BMAL1: variants seen among roughly 807,000 people sequenced by gnomAD.
The protein encoded by BMAL1 is basic helix-loop-helix ARNT like 1, also known as basic helix-loop-helix ARNT-like protein 1.
At chr11:13,334,130 G>A in the BMAL1 span, among the ~76,000 whole-genome samples, 1 of 152,044 alleles carries the variant, frequency 6.6e-6, no homozygotes, top group Non-Finnish European at 1.5e-5. Flanking sequence ...TACCAATGAG[G>A]CAACTAAGGA....
chr11:13,288,600 A>G, the BMAL1 span, among the ~76,000 whole-genome samples: 7 of 151,566 alleles, frequency 4.6e-5, no homozygotes, highest in East Asian at 1.9e-4. Context: ...ATGGATAACC[A>G]CTGGATTTGT....
chr11:13,302,381 C>T, the BMAL1 span, among the ~76,000 whole-genome samples: 1 of 152,156 alleles, frequency 6.6e-6, no homozygotes, highest in African/African-American at 2.4e-5. Context: ...CTGTCCCTGT[C>T]CTCTTATCTG....
At chr11:13,372,290 A>T in the BMAL1 span, 1 of 1,614,174 alleles carries the variant, frequency 6.2e-7, no homozygotes, top group Non-Finnish European at 8.5e-7. Context: ...GCCTCGTCGC[A>T]ATTGGACGAC....
chr11:13,376,799 A>ATACTTTAGGGG, the BMAL1 span: 2 of 1,418,030 alleles, frequency 1.4e-6, no homozygotes, highest in Non-Finnish European at 1.9e-6. Flanking sequence ...TCCTCCCCTA[A>ATACTTTAGGGG]AGTATTCAGG....
At chr11:13,315,494 C>T in the BMAL1 span, among the ~76,000 whole-genome samples, 2 of 152,304 alleles carry the variant, frequency 1.3e-5, no homozygotes, top group South Asian at 4.1e-4. Flanking sequence ...AGGTAAGTGT[C>T]ATCATTGTCC....
chr11:13,313,356 C>T, the BMAL1 span, among the ~76,000 whole-genome samples: 1 of 152,190 alleles, frequency 6.6e-6, no homozygotes, highest in African/African-American at 2.4e-5. Context: ...CCACCACTCA[C>T]CTCTGTCTTG....
the BMAL1 span, among the ~76,000 whole-genome samples, chr11:13,310,697 G>T: frequency 6.6e-6 from 1 of 152,222 alleles, no homozygotes; most frequent in Admixed American, 6.5e-5. Flanking sequence ...TACAGAAGCA[G>T]GTGGTGGGCT....
chr11:13,353,835 A>C, the BMAL1 span, among the ~76,000 whole-genome samples: 1 of 152,202 alleles, frequency 6.6e-6, no homozygotes, highest in Non-Finnish European at 1.5e-5. Flanking sequence ...CAAAACAAAT[A>C]AAAAATAAAA....
At chr11:13,352,464 G>A in the BMAL1 span, among the ~76,000 whole-genome samples, 1 of 152,194 alleles carries the variant, frequency 6.6e-6, no homozygotes, top group Non-Finnish European at 1.5e-5. Context: ...ATCAGTAATA[G>A]CTGAAGAATA....
At chr11:13,371,488 A>G in the BMAL1 span, among the ~76,000 whole-genome samples, 2 of 152,242 alleles carry the variant, frequency 1.3e-5, no homozygotes, top group East Asian at 3.9e-4. Flanking sequence ...CTCTTGCTGT[A>G]TTATAGCCAC....
the BMAL1 span, chr11:13,379,425 T>G: frequency 6.6e-6 from 1 of 152,190 alleles, no homozygotes; most frequent in African/African-American, 2.4e-5. Context: ...GTAACACAGC[T>G]CTTTTCCAAC....
chr11:13,379,941 T>A, the BMAL1 span: 1 of 152,226 alleles, frequency 6.6e-6, no homozygotes, highest in Non-Finnish European at 1.5e-5. Flanking sequence ...AGTCTTGTGT[T>A]ACGCTTTGTG....
the BMAL1 span, among the ~76,000 whole-genome samples, chr11:13,304,897 A>G: frequency 2.6e-5 from 4 of 152,240 alleles, no homozygotes; most frequent in Non-Finnish European, 5.9e-5. Flanking sequence ...GTGTGTTGAC[A>G]TCAGACCTCT....
At chr11:13,319,912 G>A in the BMAL1 span, among the ~76,000 whole-genome samples, 1 of 152,220 alleles carries the variant, frequency 6.6e-6, no homozygotes, top group Non-Finnish European at 1.5e-5. Context: ...AGTGACTGCT[G>A]TGAGGCTGAG....
chr11:13,383,168 GTTGT>G, the BMAL1 span, among the ~76,000 whole-genome samples: 2 of 152,188 alleles, frequency 1.3e-5, no homozygotes, highest in African/African-American at 2.4e-5. Flanking sequence ...TTAGCCTGCA[GTTGT>G]TTGTCAGGAT....
chr11:13,365,799 G>T, the BMAL1 span, among the ~76,000 whole-genome samples: 1 of 152,188 alleles, frequency 6.6e-6, no homozygotes, highest in Non-Finnish European at 1.5e-5. Context: ...ACTCTGATCT[G>T]ATCGATAGCA....
At chr11:13,322,630 C>T in the BMAL1 span, among the ~76,000 whole-genome samples, 1 of 152,044 alleles carries the variant, frequency 6.6e-6, no homozygotes, top group African/African-American at 2.4e-5. Context: ...CCTCAAGAAG[C>T]TTACAGGGAG....
At chr11:13,384,891 C>T in the BMAL1 span, among the ~76,000 whole-genome samples, 2 of 152,146 alleles carry the variant, frequency 1.3e-5, no homozygotes, top group African/African-American at 2.4e-5. Flanking sequence ...ATACAGCCTA[C>T]ATAAGCAAAA....
chr11:13,305,584 G>A, the BMAL1 span, among the ~76,000 whole-genome samples: 1 of 152,096 alleles, frequency 6.6e-6, no homozygotes, highest in African/African-American at 2.4e-5. Flanking sequence ...CAATCTGTAT[G>A]TTTTTTATTT....
Sources: gnomAD v4.1 joint callset for allele counts (sites outside exome capture counted in the v4.1 genomes callset) on GRCh38, gnomAD v4.1.1 for gene constraint, MANE v1.5 for transcripts, NCBI Gene and HGNC (gene_info 2026-07-23, HGNC 2026-07-21) for gene names.